The following GRIK4 variants were observed in gnomAD, a reference collection of about 807,000 sequenced individuals.
The protein encoded by GRIK4 is glutamate receptor ionotropic, kainate 4.
In GRIK4, 40 loss-of-function variants were observed where a neutral mutation model predicts 104.9. The ratio of observed to expected loss-of-function variants is 0.38; its 90% confidence interval spans 0.30 to 0.50. The LOEUF is 0.50. Ranked by LOEUF, GRIK4 falls within the 20% of genes least tolerant of loss-of-function variation. The pLI is 0.93. For synonymous variants in GRIK4, 485 were observed against 524.9 expected (o/e 0.92, Z 1.04); for missense variants, 1,047 against 1,308.1 (o/e 0.80, Z 3.08).
intron 6 of GRIK4, among the ~76,000 whole-genome samples, chr11:120,821,041 A>G (rs60967271): frequency 0.026 from 3,947 of 152,262 alleles, 172 homozygotes; most frequent in African/African-American, 0.086. Flanking sequence ...AGACTCTAGG[A>G]GGTGAAATGA....
chr11:120,547,654 A>C lies in GRIK4; in HGVS notation c.-159+35767A>C, dbSNP rs563358650. Among the ~76,000 whole-genome samples the C allele has an allele frequency of 7.9e-5, 12 of 152,152 alleles. No homozygotes were observed. In the East Asian group the frequency reaches 2.3e-3, roughly 29 times the overall value. ...TTTCCATGGAAACGTCTGACATGGGAAATCAGAAAATCTTTCTTAGGGAGG... is the reference window on the plus strand; with the variant it reads ...TTTCCATGGAAACGTCTGACATGGGCAATCAGAAAATCTTTCTTAGGGAGG... On this transcript the variant is annotated intron_variant, in intron 1 of 20. Coordinates refer to ENST00000527524, the MANE Select transcript of GRIK4 (RefSeq NM_014619.5).
chr11:120,730,567 T>C (rs1223061647), intron 3 of GRIK4, among the ~76,000 whole-genome samples: 1 of 134,462 alleles, frequency 7.4e-6, no homozygotes, highest in Non-Finnish European at 1.6e-5. Flanking sequence ...TGTGGTTCCA[T>C]ATACATTTTA....
chr11:120,810,280 G>A (rs1443981208), intron 4 of GRIK4, among the ~76,000 whole-genome samples: 1 of 152,194 alleles, frequency 6.6e-6, no homozygotes, highest in African/African-American at 2.4e-5. Context: ...TTTGGAATTG[G>A]GAATAAGGAA....
chr11:120,722,617 A>G (rs1950954465), intron 3 of GRIK4, among the ~76,000 whole-genome samples: 1 of 152,090 alleles, frequency 6.6e-6, no homozygotes, highest in Non-Finnish European at 1.5e-5. Flanking sequence ...TCCATCAAAA[A>G]AAAAAAAAAG....
At chr11:120,557,311 G>A (rs980557027) in intron 1 of GRIK4, among the ~76,000 whole-genome samples, 2 of 152,094 alleles carry the variant, frequency 1.3e-5, no homozygotes, top group African/African-American at 2.4e-5. Flanking sequence ...CTCTAGGTCC[G>A]CTGCCTTGGG....
chr11:120,747,186 C>A (rs868643559), intron 3 of GRIK4, among the ~76,000 whole-genome samples: 1 of 152,218 alleles, frequency 6.6e-6, no homozygotes, highest in Non-Finnish European at 1.5e-5. Context: ...CTAACAACCC[C>A]TAATGAGTAT....
chr11:120,558,398 C>T (rs1948207740), intron 1 of GRIK4, among the ~76,000 whole-genome samples: 1 of 152,030 alleles, frequency 6.6e-6, no homozygotes. Flanking sequence ...CCATCCTGGC[C>T]AACATGGTGA....
At chr11:120,613,987 T>G (rs951202147) in intron 1 of GRIK4, among the ~76,000 whole-genome samples, 1 of 152,126 alleles carries the variant, frequency 6.6e-6, no homozygotes, top group African/African-American at 2.4e-5. Context: ...CTCCCAGGAG[T>G]TTGGTCTTAA....
In GRIK4 at chr11:120,986,218, C is replaced by T. The variant is rs1382738618; in HGVS notation, c.2829C>T (p.Ser943=). 6.4e-7 allele frequency: 1 copy of T among 1,573,088 alleles called. No individual in the cohort carries two copies. The highest frequency in any genetic ancestry group is 1.7e-5 in the Admixed American group (1 of 58,362). ...CGTCGCCCGCCCGCAGCGAGGAGAG[C>T]CTGGAGTGGGAGAAAACCACCAACA... ...ARPSPARSEE[S]LEWEKTTNSS... The change falls in exon 21 of 21, where the codon AGC becomes AGT. Residue 943 remains serine (S), a synonymous_variant. Coordinates refer to ENST00000527524, the MANE Select transcript of GRIK4 (RefSeq NM_014619.5).
intron 14 of GRIK4, among the ~76,000 whole-genome samples, chr11:120,946,699 C>G (rs1468605787): frequency 6.6e-6 from 1 of 152,142 alleles, no homozygotes; most frequent in Non-Finnish European, 1.5e-5. Flanking sequence ...GGACAAAATT[C>G]TGAAACTCTG....
At position 120,986,405 on chromosome 11, in the gene GRIK4, G is replaced by A. The variant is rs149892403; in HGVS notation, c.*145G>A. On this transcript the variant is annotated 3_prime_UTR_variant, in exon 21 of 21. Coordinates refer to ENST00000527524, the MANE Select transcript of GRIK4 (RefSeq NM_014619.5). ...TCCAGTCACTTTTCAAAAAGATCAA[G>A]GAGCCTGACGCCCCAGCCAGAGACC... 6.8e-4 allele frequency: 756 copies of A among 1,116,202 alleles called. 3 individuals are homozygous for A. In the African/African-American group the frequency reaches 0.011, roughly 17 times the overall value. The allele number at this position is 1,116,202 out of a possible 1,614,324, so 69.1% of individuals were successfully genotyped here.
At chr11:120,968,597 G>A (rs371986133) in intron 19 of GRIK4, among the ~76,000 whole-genome samples, 2 of 152,116 alleles carry the variant, frequency 1.3e-5, no homozygotes, top group Non-Finnish European at 1.5e-5. Context: ...ATGGATATAC[G>A]GAGCAAGTAT....
chr11:120,526,937 A>G (rs971655921), intron 1 of GRIK4, among the ~76,000 whole-genome samples: 5 of 152,274 alleles, frequency 3.3e-5, no homozygotes, highest in African/African-American at 7.2e-5. Context: ...ACAGTGTCCA[A>G]GAGGAAACCT....
Position 120,555,586 on chromosome 11 carries a change from G to A in GRIK4, c.-159+43699G>A, listed in dbSNP as rs1359751603. On this transcript the variant is annotated intron_variant, in intron 1 of 20. Coordinates refer to ENST00000527524, the MANE Select transcript of GRIK4 (RefSeq NM_014619.5). This position sits in a 1 kb window ranked among gnomAD's most constrained non-coding sequence, Gnocchi z 5.3. ...CCCTCACGGTCCGCCTGCCTTTCCC[G>A]ACCTACCCACTTCTGGGGAGTTTCT... Among the ~76,000 whole-genome samples the A allele has an allele frequency of 6.6e-6, 1 of 152,130 alleles. No homozygotes were observed. Among genetic ancestry groups the A allele is most frequent in the Admixed American group, 6.6e-5 (1 of 15,266 alleles).
chr11:120,640,898 G>A (rs1949462447), intron 1 of GRIK4, among the ~76,000 whole-genome samples: 1 of 152,168 alleles, frequency 6.6e-6, no homozygotes, highest in Non-Finnish European at 1.5e-5. Flanking sequence ...TTTTAGTGGA[G>A]ATAGGGTTTC....
At chr11:120,938,634 T>G (rs1015069984) in intron 13 of GRIK4, among the ~76,000 whole-genome samples, 1 of 152,248 alleles carries the variant, frequency 6.6e-6, no homozygotes, top group Non-Finnish European at 1.5e-5. Context: ...TTTGCAGTGT[T>G]TGTACGTAGT....
intron 1 of GRIK4, among the ~76,000 whole-genome samples, chr11:120,514,259 G>A (rs1001822021): frequency 6.6e-6 from 1 of 152,164 alleles, no homozygotes; most frequent in African/African-American, 2.4e-5. Flanking sequence ...TGTGTATGGG[G>A]TTCTGCAGCA....
At chr11:120,846,919 T>C (rs954784001) in intron 8 of GRIK4, among the ~76,000 whole-genome samples, 1 of 152,122 alleles carries the variant, frequency 6.6e-6, no homozygotes, top group African/African-American at 2.4e-5. Flanking sequence ...ATCCCTGCAG[T>C]GCCCTCAGCT....
chr11:120,684,392 G>A (rs1364572214), intron 3 of GRIK4, among the ~76,000 whole-genome samples: 2 of 152,188 alleles, frequency 1.3e-5, no homozygotes, highest in African/African-American at 4.8e-5. Flanking sequence ...TTGATGGTCG[G>A]TTGGCCCATT....
Sources: allele counts gnomAD v4.1 joint callset (sites outside exome capture counted in the v4.1 genomes callset), GRCh38; gene constraint gnomAD v4.1.1; non-coding constraint Gnocchi (gnomAD v3.1); transcripts MANE v1.5; gene names NCBI Gene and HGNC (gene_info 2026-07-23, HGNC 2026-07-21).